PCMT1: variants seen among roughly 807,000 people sequenced by gnomAD.
PCMT1 encodes protein-L-isoaspartate (D-aspartate) O-methyltransferase, also known as protein-L-isoaspartate(D-aspartate) O-methyltransferase.
A neutral mutation model predicts 29.2 loss-of-function variants in PCMT1; 9 were observed. The ratio of observed to expected loss-of-function variants is 0.31; its 90% CI spans 0.19 to 0.54. The LOEUF is 0.54. PCMT1 is among the 20% of genes least tolerant of loss of function. The probability of loss-of-function intolerance (pLI) is 0.95; values close to 1 mark genes in which losing one functional copy is unlikely to be tolerated. For missense variants in PCMT1, 184 were observed against 282.2 expected (o/e 0.65, Z 2.49); for synonymous variants, 98 against 97.5 (o/e 1.00, Z -0.03).
intron 3 of PCMT1, among the ~76,000 whole-genome samples, chr6:149,779,341 T>C (rs11155683): frequency 0.53 from 81,043 of 151,962 alleles, 24,800 homozygotes; most frequent in East Asian, 0.83. Flanking sequence ...CCCTAACTCC[T>C]GCCACAAACT....
At chr6:149,788,862 T>TTC (rs1562416990) in intron 3 of PCMT1, among the ~76,000 whole-genome samples, 1 of 152,228 alleles carries the variant, frequency 6.6e-6, no homozygotes, top group Non-Finnish European at 1.5e-5. Flanking sequence ...TCAGTTATTA[T>TTC]TGAGATGGCT....
chr6:149,780,867 G>A (rs9372044), intron 3 of PCMT1, among the ~76,000 whole-genome samples: 81,081 of 151,978 alleles, frequency 0.53, 24,816 homozygotes, highest in East Asian at 0.83. Flanking sequence ...TTACCTAGGA[G>A]TGGAATTACC....
intron 2 of PCMT1, among the ~76,000 whole-genome samples, chr6:149,771,498 A>C (rs1051704000): frequency 6.6e-6 from 1 of 152,164 alleles, no homozygotes; most frequent in African/African-American, 2.4e-5. Flanking sequence ...ACATTTTTTG[A>C]AATAAAATAT....
rs532896448 is a variant in PCMT1 at position 149,806,259 on chromosome 6, T to C, written c.*37+3843T>C. ...AAAGACCAAGATGAATAGGCAGTTA[T>C]AGGGTAGTGTTCAGACTCGCGGTAG... On this transcript the variant is annotated intron_variant, in intron 7 of 7. Coordinates refer to ENST00000464889, the MANE Select transcript of PCMT1 (RefSeq NM_001360452.2). 6.8e-4 allele frequency among the ~76,000 whole-genome samples: 104 copies of C among 152,248 alleles called. 1 individual carries two copies. The highest frequency in any genetic ancestry group is 2.4e-3 in the African/African-American group (98 of 41,554).
intron 4 of PCMT1, among the ~76,000 whole-genome samples, chr6:149,791,626 C>T (rs1788376840): frequency 6.6e-6 from 1 of 152,134 alleles, no homozygotes; most frequent in Admixed American, 6.5e-5. Context: ...TTTGTCTGCT[C>T]TTTTTTATCA....
chr6:149,802,084 G>A (rs1036054799), intron 6 of PCMT1, 116 bp from the exon 7 acceptor site: 23 of 616,792 alleles, frequency 3.7e-5, no homozygotes, highest in African/African-American at 7.4e-5. Flanking sequence ...AGCTGAGATC[G>A]TGTCATTGCA....
At chr6:149,774,016 C>A (rs1342081906) in intron 3 of PCMT1, among the ~76,000 whole-genome samples, 1 of 151,970 alleles carries the variant, frequency 6.6e-6, no homozygotes, top group African/African-American at 2.4e-5. Flanking sequence ...GAGACAACTT[C>A]TTACCTTGTC....
intron 2 of PCMT1, chr6:149,772,192 G>C (rs1025075194): frequency 9.4e-6 from 4 of 425,304 alleles, no homozygotes; most frequent in Non-Finnish European, 1.9e-5. Context: ...TCTGAACCCC[G>C]AAGGCACCTG....
intron 6 of PCMT1, chr6:149,797,187 C>T (rs1788652106): frequency 6.6e-6 from 1 of 152,022 alleles, no homozygotes; most frequent in Non-Finnish European, 1.5e-5. Flanking sequence ...AAGTATTTGC[C>T]ATACATTATA....
chr6:149,757,599 G>A (rs768880183), intron 1 of PCMT1, among the ~76,000 whole-genome samples: 4 of 152,150 alleles, frequency 2.6e-5, no homozygotes, highest in Admixed American at 6.5e-5. Context: ...TCATGTAGTA[G>A]AGGGTCAAAC....
chr6:149,798,614 A>G (rs1788706894), intron 6 of PCMT1, among the ~76,000 whole-genome samples: 1 of 152,240 alleles, frequency 6.6e-6, no homozygotes, highest in Non-Finnish European at 1.5e-5. Context: ...AAACAGAAGC[A>G]TAAACTCCAT....
At chr6:149,758,316 T>A (rs1786600303) in intron 1 of PCMT1, among the ~76,000 whole-genome samples, 1 of 150,276 alleles carries the variant, frequency 6.7e-6, no homozygotes, top group Admixed American at 6.7e-5. Context: ...GTTCAAGCAA[T>A]TCTCCTGCCT....
intron 1 of PCMT1, among the ~76,000 whole-genome samples, chr6:149,758,226 T>TTTTTTTTTTTTTC (rs1426060535): frequency 2.8e-5 from 4 of 142,452 alleles, no homozygotes; most frequent in African/African-American, 1.1e-4. Context: ...TTTTTTTTTT[T>TTTTTTTTTTTTTC]CTGAGACAGA....
At chr6:149,770,506 G>T (rs910771693) in intron 1 of PCMT1, among the ~76,000 whole-genome samples, 4 of 151,870 alleles carry the variant, frequency 2.6e-5, no homozygotes, top group African/African-American at 9.7e-5. Flanking sequence ...GGAGATGAAG[G>T]CCAGCCTGGC....
intron 1 of PCMT1, among the ~76,000 whole-genome samples, chr6:149,761,057 A>G (rs1476334076): frequency 6.6e-6 from 1 of 151,592 alleles, no homozygotes; most frequent in Non-Finnish European, 1.5e-5. Context: ...GTGTGTGTAT[A>G]CACACATATA....
chr6:149,787,235 C>T (rs892594943), intron 3 of PCMT1, among the ~76,000 whole-genome samples: 8 of 135,060 alleles, frequency 5.9e-5, no homozygotes, highest in African/African-American at 2.2e-4. Context: ...GCAGTACAGT[C>T]CAGCTTCGGC....
rs372628428 is a variant in PCMT1 at position 149,782,036 on chromosome 6, A to G, written c.193-7918A>G. ...TTGTGACTGGCTTATTTCACTTAGC[A>G]TATGTCATAGCTTATGTCAGAATTT... On this transcript the variant is annotated intron_variant, in intron 3 of 7. Transcript: ENST00000464889. Among the ~76,000 whole-genome samples, 11 of 152,302 alleles carry G rather than the reference A, an allele frequency of 7.2e-5. No homozygotes were observed. In the East Asian group the frequency reaches 1.7e-3, roughly 24 times the overall value.
At chr6:149,751,026 A>T (rs569414883) in intron 1 of PCMT1, among the ~76,000 whole-genome samples, 39 of 152,062 alleles carry the variant, frequency 2.6e-4, no homozygotes, top group East Asian at 1.2e-3. Flanking sequence ...ATTAAAAAAA[A>T]TTTTTTTTGG....
chr6:149,766,451 G>C (rs1199334239), intron 1 of PCMT1, among the ~76,000 whole-genome samples: 1 of 152,190 alleles, frequency 6.6e-6, no homozygotes, highest in Admixed American at 6.5e-5. Context: ...CCAGTTGTAA[G>C]AATACAATTT....
Sources: allele counts gnomAD v4.1 joint callset (sites outside exome capture counted in the v4.1 genomes callset), GRCh38; gene constraint gnomAD v4.1.1; transcripts MANE v1.5; gene names NCBI Gene and HGNC (gene_info 2026-07-23, HGNC 2026-07-21).